Variants in HCN1 observed in about 807,000 individuals in gnomAD.
HCN1 encodes hyperpolarization activated cyclic nucleotide gated potassium channel 1.
In HCN1, 13 loss-of-function variants were observed where a neutral mutation model predicts 78.9. That is an observed-to-expected ratio of 0.16 (90% CI 0.11 to 0.26). The LOEUF (loss-of-function observed/expected upper bound fraction) is 0.26. HCN1 is among the 10% of genes least tolerant of loss of function. The pLI is 1.00. For missense variants in HCN1, 810 were observed against 1,154.3 expected (o/e 0.70, Z 4.32); for synonymous variants, 552 against 455.5 (o/e 1.21, Z -2.70).
chr5:45,609,052 A>T (rs1744781382), intron 2 of HCN1, among the ~76,000 whole-genome samples: 1 of 152,088 alleles, frequency 6.6e-6, no homozygotes, highest in African/African-American at 2.4e-5. Flanking sequence ...TCAGAGTGGC[A>T]AAAATGAAAA....
chr5:45,597,750 C>T (rs1163892254), intron 2 of HCN1, among the ~76,000 whole-genome samples: 1 of 152,122 alleles, frequency 6.6e-6, no homozygotes, highest in East Asian at 1.9e-4. Context: ...TGTGCAAAAA[C>T]ACAAGCATTA....
At chr5:45,323,058 T>C (rs1208306481) in intron 5 of HCN1, among the ~76,000 whole-genome samples, 5 of 151,978 alleles carry the variant, frequency 3.3e-5, no homozygotes, top group Non-Finnish European at 4.4e-5. Flanking sequence ...ACTGATACAG[T>C]TCCGTTTTTA....
intron 5 of HCN1, among the ~76,000 whole-genome samples, chr5:45,336,781 T>A (rs1460181452): frequency 6.6e-6 from 1 of 152,034 alleles, no homozygotes; most frequent in Non-Finnish European, 1.5e-5. Context: ...AGGGGCCACT[T>A]CCTGGTTCAT....
intron 6 of HCN1, among the ~76,000 whole-genome samples, chr5:45,276,090 A>C (rs1333822791): frequency 6.6e-6 from 1 of 152,070 alleles, no homozygotes; most frequent in East Asian, 1.9e-4. Flanking sequence ...AAATGAAAAA[A>C]ACACGTGGCA....
At chr5:45,666,919 A>AG (rs1746061728) in intron 1 of HCN1, among the ~76,000 whole-genome samples, 1 of 152,138 alleles carries the variant, frequency 6.6e-6, no homozygotes, top group Admixed American at 6.6e-5. Context: ...AGAAAAAATC[A>AG]GGGGGGTGGG....
At chr5:45,273,674 A>G (rs528819768) in intron 6 of HCN1, among the ~76,000 whole-genome samples, 7 of 152,276 alleles carry the variant, frequency 4.6e-5, no homozygotes, top group African/African-American at 1.7e-4. Flanking sequence ...TTCCTTCTTT[A>G]GTAACTGATA....
intron 4 of HCN1, among the ~76,000 whole-genome samples, chr5:45,378,093 G>A (rs1195892652): frequency 6.6e-6 from 1 of 151,906 alleles, no homozygotes; most frequent in Admixed American, 6.6e-5. Context: ...GGGCACCACA[G>A]AGATAATTAA....
chr5:45,324,391 A>T (rs1219036916), intron 5 of HCN1, among the ~76,000 whole-genome samples: 1 of 151,990 alleles, frequency 6.6e-6, no homozygotes, highest in Non-Finnish European at 1.5e-5. Flanking sequence ...GCCAAAAAAC[A>T]CATGAAAAAA....
intron 2 of HCN1, among the ~76,000 whole-genome samples, chr5:45,593,677 T>C (rs1744432773): frequency 7.5e-6 from 1 of 133,512 alleles, no homozygotes; most frequent in African/African-American, 2.7e-5. Flanking sequence ...TTGAATTTTA[T>C]TTATTTATTT....
chr5:45,295,908 A>G (rs1242711194), intron 6 of HCN1, among the ~76,000 whole-genome samples: 1 of 152,046 alleles, frequency 6.6e-6, no homozygotes, highest in African/African-American at 2.4e-5. Context: ...TAATATGTAT[A>G]GCTTATTAAA....
At chr5:45,353,020 C>G (rs1254872328) in intron 5 of HCN1, 80 bp downstream of exon 5, 8 of 1,236,894 alleles carry the variant, frequency 6.5e-6, no homozygotes, top group Non-Finnish European at 9.4e-6. Context: ...TTTAGAGTAA[C>G]GTGGACTAGA....
At chr5:45,392,627 G>A (rs569442631) in intron 4 of HCN1, among the ~76,000 whole-genome samples, 26 of 151,782 alleles carry the variant, frequency 1.7e-4, no homozygotes, top group African/African-American at 5.3e-4. Context: ...ACTTGAGGTC[G>A]GGAGTTCTAG....
chr5:45,284,798 T>G (rs1407923716), intron 6 of HCN1, among the ~76,000 whole-genome samples: 3 of 152,088 alleles, frequency 2.0e-5, no homozygotes, highest in Non-Finnish European at 4.4e-5. Context: ...AACTGTTAAG[T>G]CTGAGAACCA....
At chr5:45,439,532 T>C (rs1454713534) in intron 3 of HCN1, among the ~76,000 whole-genome samples, 1 of 152,140 alleles carries the variant, frequency 6.6e-6, no homozygotes, top group Non-Finnish European at 1.5e-5. Context: ...TGTAAATTAA[T>C]GTTATTTTTG....
At chr5:45,443,465 A>T (rs1185668433) in intron 3 of HCN1, among the ~76,000 whole-genome samples, 1 of 152,114 alleles carries the variant, frequency 6.6e-6, no homozygotes, top group African/African-American at 2.4e-5. Flanking sequence ...TCTCCTCTCC[A>T]ACAGGTTTTC....
chr5:45,559,072 T>G (rs1743541306), intron 2 of HCN1: 1 of 151,736 alleles, frequency 6.6e-6, no homozygotes, highest in South Asian at 2.1e-4. Context: ...ACACCCAGCC[T>G]ACAGCAAGCC....
At chr5:45,525,247 AT>A (rs1173618474) in intron 2 of HCN1, among the ~76,000 whole-genome samples, 9 of 152,060 alleles carry the variant, frequency 5.9e-5, no homozygotes, top group African/African-American at 1.9e-4. Context: ...GAAAAAAATT[AT>A]TTAAGACAAT....
At chr5:45,691,029 T>G (rs1739902458) in intron 1 of HCN1, among the ~76,000 whole-genome samples, 1 of 152,254 alleles carries the variant, frequency 6.6e-6, no homozygotes, top group African/African-American at 2.4e-5. Flanking sequence ...AGGACATAGG[T>G]GCATTGAGTA....
At chr5:45,614,049 G>A (rs560235463) in intron 2 of HCN1, among the ~76,000 whole-genome samples, 95 of 152,212 alleles carry the variant, frequency 6.2e-4, no homozygotes, top group Non-Finnish European at 1.0e-3. Context: ...GAAAAATGAT[G>A]TACCAATGGC....
Sources: allele counts gnomAD v4.1 joint callset (sites outside exome capture counted in the v4.1 genomes callset), GRCh38; gene constraint gnomAD v4.1.1; transcripts MANE v1.5; gene names NCBI Gene and HGNC (gene_info 2026-07-23, HGNC 2026-07-21).